Variants in COL14A1 observed in about 807,000 individuals in gnomAD.
The protein encoded by COL14A1 is collagen alpha-1(XIV) chain.
In COL14A1, 136 loss-of-function variants were observed where a neutral mutation model predicts 230.3. The ratio of observed to expected loss-of-function variants is 0.59; its 90% CI spans 0.51 to 0.68. COL14A1 has a LOEUF of 0.68. Among genes scored for constraint, COL14A1 ranks in the 30% least tolerant of loss-of-function variants. The pLI is 0.00. For synonymous variants in COL14A1, 792 were observed against 784.1 expected, an observed-to-expected ratio of 1.01 and a Z score of -0.17; for missense variants, 1,976 against 2,215.8, an observed-to-expected ratio of 0.89 and a Z score of 2.17.
intron 27 of COL14A1, 61 bp from the exon 28 acceptor site, chr8:120,278,374 T>C (rs1215626394): frequency 6.4e-7 from 1 of 1,574,244 alleles, no homozygotes; most frequent in African/African-American, 1.4e-5. Context: ...CCACCCTTTC[T>C]TCTCCAGAAA....
intron 9 of COL14A1, among the ~76,000 whole-genome samples, chr8:120,205,983 AAC>A (rs987422699): frequency 6.6e-6 from 1 of 152,138 alleles, no homozygotes; most frequent in Admixed American, 6.5e-5. Flanking sequence ...TAACATGTGT[AAC>A]ACACACACAC....
chr8:120,211,667 A>G (rs1817618415), intron 12 of COL14A1, among the ~76,000 whole-genome samples: 1 of 152,158 alleles, frequency 6.6e-6, no homozygotes, highest in Non-Finnish European at 1.5e-5. Context: ...GTATTATATT[A>G]TTTTCTGTAA....
rs191536990 is a variant in COL14A1 at position 120,136,919 on chromosome 8, G to A, written c.-37-10887G>A. On this transcript the variant is annotated intron_variant, in intron 1 of 47. Transcript: ENST00000297848. ...GGAGGTTGCAGTGAGCCAAGATTGC[G>A]CCACTGCACTCCAGCCTGTGTGACA... Among the ~76,000 whole-genome samples the A allele has an allele frequency of 4.1e-3, 547 of 133,518 alleles. 3 individuals carry two copies. Among genetic ancestry groups the A allele is most frequent in the East Asian group, 0.02 (88 of 4,494 alleles). 87.6% of individuals were successfully genotyped at this position (133,518 alleles called of 152,430 possible).
chr8:120,343,425 A>G (rs544600618), intron 44 of COL14A1, among the ~76,000 whole-genome samples: 2 of 152,342 alleles, frequency 1.3e-5, no homozygotes, highest in Admixed American at 1.3e-4. Flanking sequence ...GAGTTAGGCC[A>G]GGAAGCCCTG....
rs573038528 is a variant in COL14A1 at position 120,308,270 on chromosome 8, G to A, written c.4402-1739G>A. 3.3e-5 allele frequency among the ~76,000 whole-genome samples: 5 copies of A among 152,310 alleles called. No individual in the cohort carries two copies. In the East Asian group the frequency reaches 9.6e-4, roughly 29 times the overall value. ...GTGCTGGGATTACAGGCGTGAGCCA[G>A]TGCGCCCAGCCTGAAGCATTGTTTA... On this transcript the variant is annotated intron_variant, in intron 36 of 47. Coordinates refer to ENST00000297848, the MANE Select transcript of COL14A1 (RefSeq NM_021110.4).
At chr8:120,273,479 TA>T (rs1487270495) in intron 26 of COL14A1, among the ~76,000 whole-genome samples, 1 of 150,302 alleles carries the variant, frequency 6.7e-6, no homozygotes, top group African/African-American at 2.4e-5. Context: ...CAAAAAGCAA[TA>T]AAAAAGATCA....
chr8:120,238,874 CTT>C (rs1818533314), intron 19 of COL14A1, among the ~76,000 whole-genome samples: 1 of 152,158 alleles, frequency 6.6e-6, no homozygotes, highest in South Asian at 2.1e-4. Context: ...TTCCCCAACT[CTT>C]TGTGCTTCCT....
At chr8:120,296,769 G>A (rs1321316497) in intron 34 of COL14A1, among the ~76,000 whole-genome samples, 1 of 151,830 alleles carries the variant, frequency 6.6e-6, no homozygotes, top group Non-Finnish European at 1.5e-5. Context: ...TACATGAGTG[G>A]AGCAAGCCTG....
At chr8:120,320,679 AC>A (rs1255378685) in intron 40 of COL14A1, among the ~76,000 whole-genome samples, 2 of 152,330 alleles carry the variant, frequency 1.3e-5, no homozygotes, top group African/African-American at 4.8e-5. Flanking sequence ...ATGTGTAAAT[AC>A]CATCACAAAA....
At chr8:120,295,146 T>G (rs1586839545) in intron 34 of COL14A1, among the ~76,000 whole-genome samples, 1 of 152,002 alleles carries the variant, frequency 6.6e-6, no homozygotes, top group East Asian at 1.9e-4. Context: ...GGAAAATTTC[T>G]TAATGGATAA....
intron 36 of COL14A1, among the ~76,000 whole-genome samples, chr8:120,307,950 A>G (rs928053243): frequency 2.0e-5 from 3 of 152,208 alleles, no homozygotes; most frequent in African/African-American, 7.2e-5. Flanking sequence ...GGGATATGTA[A>G]GGATGTTAAT....
At chr8:120,161,222 C>T (rs1815656246) in intron 3 of COL14A1, among the ~76,000 whole-genome samples, 1 of 152,148 alleles carries the variant, frequency 6.6e-6, no homozygotes, top group African/African-American at 2.4e-5. Context: ...ATTTTATTGG[C>T]ATATGATTAA....
chr8:120,203,972 A>G, intron 9 of COL14A1, 102 bp downstream of exon 9: 4 of 1,216,850 alleles, frequency 3.3e-6, no homozygotes, highest in Non-Finnish European at 4.5e-6. Context: ...TGGCTTTTTG[A>G]AGACCCCTTA....
Position 120,282,615 on chromosome 8 carries a change from C to T in COL14A1, c.3825-1021C>T, listed in dbSNP as rs16893816. 3.6e-3 allele frequency among the ~76,000 whole-genome samples: 552 copies of T among 152,132 alleles called. 2 individuals are homozygous for T. Among genetic ancestry groups the T allele is most frequent in the African/African-American group, 0.012 (499 of 41,498 alleles). ...TGCAAACCAAACTTTCATTTTCAAA[C>T]GCACGCTAAACTTGCACATTTATTT... On this transcript the variant is annotated intron_variant, in intron 31 of 47. Transcript: ENST00000297848.
chr8:120,133,243 AAT>A (rs1651100240), intron 1 of COL14A1, among the ~76,000 whole-genome samples: 1 of 151,862 alleles, frequency 6.6e-6, no homozygotes, highest in African/African-American at 2.4e-5. Flanking sequence ...AAAAAAAAAA[AAT>A]AACTGTTCCA....
At chr8:120,324,060 G>A (rs1043147318) in intron 40 of COL14A1, among the ~76,000 whole-genome samples, 5 of 152,024 alleles carry the variant, frequency 3.3e-5, no homozygotes, top group African/African-American at 1.2e-4. Flanking sequence ...ATGGACACTG[G>A]GACCTACTTG....
chr8:120,134,015 CAT>C (rs1814629189), intron 1 of COL14A1, among the ~76,000 whole-genome samples: 2 of 151,896 alleles, frequency 1.3e-5, no homozygotes, highest in East Asian at 1.9e-4. Context: ...GGAAATAAAA[CAT>C]ATATGTATAT....
Position 120,138,797 on chromosome 8 carries a change from G to A in COL14A1, c.-37-9009G>A, listed in dbSNP as rs1209294622. Among the ~76,000 whole-genome samples the A allele has an allele frequency of 2.0e-5, 3 of 152,086 alleles. No individual in the cohort carries two copies. In the East Asian group the frequency reaches 5.8e-4, roughly 29 times the overall value. ...GGAATATTTTCAAAGCTAACACACT[G>A]GATGATACATTAAGCCTATTTCTTT... On this transcript the variant is annotated intron_variant, in intron 1 of 47. Coordinates refer to ENST00000297848, the MANE Select transcript of COL14A1 (RefSeq NM_021110.4).
intron 26 of COL14A1, 45 bp from the exon 27 acceptor site, chr8:120,278,065 TG>T: frequency 6.6e-7 from 1 of 1,516,352 alleles, no homozygotes; most frequent in Non-Finnish European, 8.8e-7. Context: ...TCTGACCCAG[TG>T]GAAGTCTACA....
Sources: allele counts gnomAD v4.1 joint callset (sites outside exome capture counted in the v4.1 genomes callset), GRCh38; gene constraint gnomAD v4.1.1; transcripts MANE v1.5; gene names NCBI Gene and HGNC (gene_info 2026-07-23, HGNC 2026-07-21).